Variants in GALNT10 observed in about 807,000 individuals in gnomAD.
The protein encoded by GALNT10 is GalNAc transferase 10.
GALNT10 carries 41 observed loss-of-function variants against 75.0 expected under a neutral mutation model. The ratio of observed to expected loss-of-function variants is 0.55; its 90% CI spans 0.43 to 0.71. The LOEUF is 0.71. Ranked by LOEUF, GALNT10 falls within the 30% of genes least tolerant of loss-of-function variation. The pLI is 0.00. For missense variants in GALNT10, 727 were observed against 818.5 expected (o/e 0.89, Z 1.36); for synonymous variants, 302 against 313.0 (o/e 0.96, Z 0.37).
At chr5:154,255,244 G>T (rs1358143734) in intron 1 of GALNT10, among the ~76,000 whole-genome samples, 1 of 152,130 alleles carries the variant, frequency 6.6e-6, no homozygotes, top group Non-Finnish European at 1.5e-5. Flanking sequence ...GGACCACCAG[G>T]ATTGGTGCAG....
intron 4 of GALNT10, among the ~76,000 whole-genome samples, chr5:154,364,650 C>T (rs968588072): frequency 2.0e-5 from 3 of 152,152 alleles, no homozygotes; most frequent in African/African-American, 7.2e-5. Flanking sequence ...ATGAAACTGA[C>T]AGGCCAACAC....
At chr5:154,236,883 A>C (rs1405360841) in intron 1 of GALNT10, among the ~76,000 whole-genome samples, 1 of 152,174 alleles carries the variant, frequency 6.6e-6, no homozygotes, top group African/African-American at 2.4e-5. Flanking sequence ...TGCCCTTTCC[A>C]CATACCACAG....
chr5:154,205,193 T>G (rs1307630275), intron 1 of GALNT10, among the ~76,000 whole-genome samples: 1 of 152,176 alleles, frequency 6.6e-6, no homozygotes, highest in Non-Finnish European at 1.5e-5. Flanking sequence ...GCCTCAAAAG[T>G]GTTAGCTCCC....
chr5:154,338,358 G>T, intron 4 of GALNT10: 1 of 472,280 alleles, frequency 2.1e-6, no homozygotes, highest in South Asian at 1.9e-5. Context: ...TGAGATTTGA[G>T]ACCTCAGGCT....
intron 1 of GALNT10, among the ~76,000 whole-genome samples, chr5:154,263,520 T>A (rs765795105): frequency 2.0e-5 from 3 of 152,144 alleles, no homozygotes; most frequent in Non-Finnish European, 2.9e-5. Context: ...TGACTGATTG[T>A]CTTAGTCTAT....
intron 5 of GALNT10, among the ~76,000 whole-genome samples, chr5:154,380,159 C>A (rs1214555189): frequency 3.3e-5 from 5 of 152,146 alleles, no homozygotes; most frequent in African/African-American, 1.2e-4. Flanking sequence ...GTGTTCAGTC[C>A]TCATAACCTA....
chr5:154,359,504 C>T (rs1755348870), intron 4 of GALNT10, among the ~76,000 whole-genome samples: 1 of 146,380 alleles, frequency 6.8e-6, no homozygotes, highest in Non-Finnish European at 1.5e-5. Flanking sequence ...GTGACCTTCA[C>T]CTAAATCCTA....
intron 4 of GALNT10, among the ~76,000 whole-genome samples, chr5:154,365,935 G>A (rs1210501424): frequency 6.6e-6 from 1 of 152,200 alleles, no homozygotes; most frequent in East Asian, 1.9e-4. Flanking sequence ...TCTAGTGAAA[G>A]GAATTGTCTC....
intron 3 of GALNT10, among the ~76,000 whole-genome samples, chr5:154,311,309 TTG>T (rs1367564649): frequency 6.6e-6 from 1 of 152,238 alleles, no homozygotes; most frequent in African/African-American, 2.4e-5. Context: ...CTATTCAGAA[TTG>T]TTGTGTGATG....
intron 1 of GALNT10, among the ~76,000 whole-genome samples, chr5:154,237,815 C>G (rs1753270224): frequency 6.6e-6 from 1 of 152,112 alleles, no homozygotes; most frequent in Non-Finnish European, 1.5e-5. Context: ...ATCAAGGATA[C>G]CTACTATTAA....
At chr5:154,197,338 T>C (rs1360620256) in intron 1 of GALNT10, among the ~76,000 whole-genome samples, 2 of 152,196 alleles carry the variant, frequency 1.3e-5, no homozygotes, top group African/African-American at 2.4e-5. Context: ...AACTTCTGTC[T>C]CTGCAGCTTC....
At chr5:154,326,864 A>G (rs777969563) in intron 3 of GALNT10, among the ~76,000 whole-genome samples, 9 of 152,272 alleles carry the variant, frequency 5.9e-5, no homozygotes, top group Non-Finnish European at 1.2e-4. Flanking sequence ...GAACTACTAA[A>G]TTATAAAAGA....
chr5:154,259,998 C>G (rs1753678838), intron 1 of GALNT10, among the ~76,000 whole-genome samples: 1 of 152,126 alleles, frequency 6.6e-6, no homozygotes, highest in South Asian at 2.1e-4. Context: ...ACTTTATAAT[C>G]TAGACCCAAG....
chr5:154,284,476 GTC>G (rs1318459105), intron 1 of GALNT10, among the ~76,000 whole-genome samples: 2 of 152,172 alleles, frequency 1.3e-5, no homozygotes, highest in East Asian at 3.8e-4. Context: ...TCATTTTTTA[GTC>G]TCTCTCTGAA....
At chr5:154,377,744 G>A (rs1451758056) in intron 5 of GALNT10, among the ~76,000 whole-genome samples, 2 of 152,070 alleles carry the variant, frequency 1.3e-5, no homozygotes, top group Non-Finnish European at 2.9e-5. Flanking sequence ...TGACCCCAAG[G>A]GTCTACGATC....
intron 1 of GALNT10, among the ~76,000 whole-genome samples, chr5:154,288,551 A>G (rs947946013): frequency 6.6e-6 from 1 of 151,586 alleles, no homozygotes; most frequent in African/African-American, 2.4e-5. Context: ...TTATTATTTA[A>G]TGTGATTTCC....
chr5:154,370,839 C>T (rs1323464379), intron 4 of GALNT10, among the ~76,000 whole-genome samples: 3 of 152,244 alleles, frequency 2.0e-5, no homozygotes, highest in South Asian at 2.1e-4. Flanking sequence ...TACAGAGGGG[C>T]GAGCCCTAGC....
At chr5:154,320,428 T>C (rs946436883) in intron 3 of GALNT10, among the ~76,000 whole-genome samples, 3 of 152,152 alleles carry the variant, frequency 2.0e-5, no homozygotes, top group Non-Finnish European at 2.9e-5. Flanking sequence ...AATAGCTATA[T>C]TGTATTTCAC....
intron 3 of GALNT10, among the ~76,000 whole-genome samples, chr5:154,312,105 G>T (rs574604864): frequency 2.3e-4 from 35 of 152,302 alleles, no homozygotes; most frequent in African/African-American, 8.2e-4. Context: ...TGGTTACAGA[G>T]ATGAGTTTGA....
Sources: gnomAD v4.1 joint callset for allele counts (sites outside exome capture counted in the v4.1 genomes callset) on GRCh38, gnomAD v4.1.1 for gene constraint, MANE v1.5 for transcripts, NCBI Gene and HGNC (gene_info 2026-07-23, HGNC 2026-07-21) for gene names.